Variants in CTSV observed in about 807,000 individuals in gnomAD.
CTSV encodes the protein cathepsin L2.
A neutral mutation model predicts 35.6 loss-of-function variants in CTSV; 33 were observed. The ratio of observed to expected loss-of-function variants is 0.93; its 90% CI spans 0.70 to 1.24. CTSV has a LOEUF of 1.24. CTSV is among the 50% of genes most tolerant of loss of function. The pLI, the probability that CTSV is intolerant of heterozygous loss-of-function variation, is 0.00. For synonymous variants in CTSV, 154 were observed against 147.1 expected, an observed-to-expected ratio of 1.05 and a Z score of -0.34; for missense variants, 408 against 413.1, an observed-to-expected ratio of 0.99 and a Z score of 0.11.
intron 7 of CTSV, 127 bp from the exon 8 acceptor site, chr9:97,033,175 T>C: frequency 1.6e-6 from 1 of 609,502 alleles, no homozygotes; most frequent in Non-Finnish European, 2.8e-6. Flanking sequence ...GCTGTTAATA[T>C]CCATTTATAA....
rs146994010 is a variant in CTSV, at chr9:97,035,557, C to A, written c.758G>T (p.Gly253Val). Residue 253 changes from glycine (G) to valine (V), a missense_variant, in exon 6 of 8, where the codon GGC becomes GTC. Transcript: ENST00000259470. Reference sequence around the variant, plus strand: ...TTTGTAGAACTGGAAGGACGAATGGCCTGCATCCATAGCAACGGAGATGGG... The same window carrying A: ...TTTGTAGAACTGGAAGGACGAATGGACTGCATCCATAGCAACGGAGATGGG... ...VGPISVAMDA[G>V]HSSFQFYKSG... The A allele has an allele frequency of 4.0e-4, 632 of 1,578,272 alleles. 1 individual carries two copies. The highest frequency in any genetic ancestry group is 8.4e-4 in the Middle Eastern group (5 of 5,964).
At position 97,032,080 on chromosome 9, in the gene CTSV, C is replaced by A. The variant is rs1220306991; in HGVS notation, c.*869G>T. 2.0e-5 allele frequency: 3 copies of A among 152,154 alleles called. No individual in the cohort carries two copies. In the East Asian group the frequency reaches 5.8e-4, roughly 29 times the overall value. The allele number at this position is 152,154 out of a possible 1,614,324, so 9.4% of individuals were successfully genotyped here. On this transcript the variant is annotated 3_prime_UTR_variant, in exon 8 of 8. Transcript: ENST00000259470. ...ATGTGTCAAAGGAAGAAGACATTTC[C>A]TTTTCTAAAAAGTCAACTGCTTTCT...
Position 97,037,971 on chromosome 9 carries a change from A to T in CTSV, c.73T>A (p.Leu25Met). 6.2e-7 allele frequency: 1 copy of T among 1,614,078 alleles called. No homozygotes were observed. The highest frequency in any genetic ancestry group is 8.5e-7 in the Non-Finnish European group (1 of 1,180,014). The change falls in exon 2 of 8, where the codon TTG (leucine) becomes ATG (methionine). Residue 25 changes from leucine to methionine, a missense_variant. Transcript: ENST00000259470. ...TTCCACTGGTACCACTTTGTATCCA[A>T]ATTTTGGTCAAATTTTGGAACAGCG... ...ASAVPKFDQN[L>M]DTKWYQWKAT...
At chr9:97,036,199 T>C (rs2119233430) in intron 5 of CTSV, among the ~76,000 whole-genome samples, 1 of 152,030 alleles carries the variant, frequency 6.6e-6, no homozygotes, top group East Asian at 1.9e-4. Context: ...GTCTCCTGAG[T>C]AGCTGGGACT....
intron 7 of CTSV, 153 bp downstream of exon 7, chr9:97,034,573 C>G: frequency 3.3e-6 from 2 of 611,702 alleles, no homozygotes; most frequent in South Asian, 4.4e-5. Context: ...CTCCAAAAAG[C>G]TTGGTACGGA....
At chr9:97,037,050 T>A (rs1828864823) in intron 4 of CTSV, among the ~76,000 whole-genome samples, 1 of 151,982 alleles carries the variant, frequency 6.6e-6, no homozygotes, top group South Asian at 2.1e-4. Context: ...GAGGTTGCAG[T>A]GAGACGAGAT....
intron 7 of CTSV, 94 bp downstream of exon 7, chr9:97,034,632 A>G (rs75765094): frequency 1.1e-6 from 1 of 943,196 alleles, no homozygotes; most frequent in East Asian, 2.4e-5. Flanking sequence ...AAGTAGAAGA[A>G]AGACTTTCGG....
rs1828854339 is a variant in CTSV at position 97,036,540 on chromosome 9, A to G, written c.604T>C (p.Tyr202His). Residue 202 changes from tyrosine to histidine, a missense_variant, in exon 5 of 8, where the codon TAT becomes CAT. Physicochemically the swap from Tyr to His is moderately conservative, Grantham distance 83 (BLOSUM62 2). Coordinates refer to ENST00000259470, the MANE Select transcript of CTSV (RefSeq NM_001333.4). ...CCATTTACCACTGCTACATATGGAT[A>G]GGATTCCTCAGAGTCCAGGCCTCCG... ...ENGGLDSEES[Y>H]PYVAVDEICK... The G allele has an allele frequency of 6.2e-7, 1 of 1,613,550 alleles. No individual in the cohort carries two copies. The highest frequency in any genetic ancestry group is 1.3e-5 in the African/African-American group (1 of 74,920).
At chr9:97,033,440 G>A (rs1445905611) in intron 7 of CTSV, among the ~76,000 whole-genome samples, 1 of 145,216 alleles carries the variant, frequency 6.9e-6, no homozygotes, top group Admixed American at 6.9e-5. Context: ...GTGAAACCCT[G>A]CCTCTACTAA....
chr9:97,035,836 C>A (rs1051432817), intron 5 of CTSV, 143 bp from the exon 6 acceptor site: 2 of 484,330 alleles, frequency 4.1e-6, no homozygotes, highest in African/African-American at 4.0e-5. Flanking sequence ...AAATAAAATG[C>A]TATTTGTTGA....
intron 4 of CTSV, 26 bp downstream of exon 4, chr9:97,037,226 A>G (rs1464255214): frequency 6.2e-7 from 1 of 1,604,792 alleles, no homozygotes; most frequent in Non-Finnish European, 8.5e-7. Context: ...CTGTGGAGAC[A>G]GGGTCTGAAT....
chr9:97,034,818 G>A lies in CTSV; in HGVS notation c.813C>T (p.Ser271=). The change falls in exon 7 of 8, where the codon AGC becomes AGT. Residue 271 remains serine, a synonymous_variant. Coordinates refer to ENST00000259470, the MANE Select transcript of CTSV (RefSeq NM_001333.4). The part of the protein sequence containing the change: ...KSGIYFEPDC[S]SKNLDHGVLV... ...GAACACCATGATCCAGGTTTTTGCT[G>A]CTGCAGTCTGGTTCAAAATAAATGC... 6.2e-7 allele frequency: 1 copy of A among 1,614,086 alleles called. No individual in the cohort carries two copies. The highest frequency in any genetic ancestry group is 8.5e-7 in the Non-Finnish European group (1 of 1,180,002).
In CTSV at chr9:97,030,443, G is replaced by C. The variant is rs1215042836; in HGVS notation, c.*2506C>G. On this transcript the variant is annotated 3_prime_UTR_variant, in exon 8 of 8. Coordinates refer to ENST00000259470, the MANE Select transcript of CTSV (RefSeq NM_001333.4). ...TTCGAGTATAGGAAATATTTGCCGA[G>C]ACCAGCTTGGTCATGGAGACCCTAA... The C allele has an allele frequency of 6.6e-6, 1 of 152,074 alleles. No homozygotes were observed. The highest frequency in any genetic ancestry group is 1.5e-5 in the Non-Finnish European group (1 of 68,028). 9.4% of individuals were successfully genotyped at this position (152,074 alleles called of 1,614,324 possible).
At chr9:97,037,768 G>T in intron 2 of CTSV, 150 bp downstream of exon 2, 1 of 1,368,844 alleles carries the variant, frequency 7.3e-7, no homozygotes, top group Non-Finnish European at 1.0e-6. Context: ...ACACAATGGA[G>T]ATATATGCCC....
At position 97,031,842 on chromosome 9, in the gene CTSV, A is replaced by G. The variant is rs1828749657; in HGVS notation, c.*1107T>C. On this transcript the variant is annotated 3_prime_UTR_variant, in exon 8 of 8. Coordinates refer to ENST00000259470, the MANE Select transcript of CTSV (RefSeq NM_001333.4). Reference sequence around the variant, plus strand: ...ATGCCTGAGATTTGTTAACCACACCATTTATTTTTGCTAACACTAGTTAAC... The same window carrying G: ...ATGCCTGAGATTTGTTAACCACACCGTTTATTTTTGCTAACACTAGTTAAC... The G allele has an allele frequency of 6.6e-6, 1 of 152,186 alleles. No individual in the cohort carries two copies. The highest frequency in any genetic ancestry group is 2.1e-4 in the South Asian group (1 of 4,830). 9.4% of individuals were successfully genotyped at this position (152,186 alleles called of 1,614,324 possible).
In CTSV at chr9:97,034,759, G is replaced by A. The variant is rs771264161; in HGVS notation, c.872C>T (p.Ser291Leu). The A allele has an allele frequency of 2.8e-5, 45 of 1,613,830 alleles. No homozygotes were observed. The highest frequency in any genetic ancestry group is 3.7e-5 in the Non-Finnish European group (44 of 1,179,966). Reference sequence around the variant, plus strand: ...GACGAGCCAATACTTGCTGTTATTCGAATTTGCTCCTTCAAAGCCGTAGCC... The same window carrying A: ...GACGAGCCAATACTTGCTGTTATTCAAATTTGCTCCTTCAAAGCCGTAGCC... ...VVGYGFEGAN[S>L]NNSKYWLVKN... The change falls in exon 7 of 8, where the codon TCG (serine) becomes TTG (leucine). Residue 291 changes from serine to leucine, a missense_variant. Transcript: ENST00000259470.
intron 3 of CTSV, 42 bp downstream of exon 3, chr9:97,037,451 C>A: frequency 6.2e-7 from 1 of 1,613,738 alleles, no homozygotes; most frequent in Non-Finnish European, 8.5e-7. Flanking sequence ...TGGTGAAGAA[C>A]TGAGAAGCAG....
intron 4 of CTSV, 21 bp from the exon 5 acceptor site, chr9:97,036,768 A>AT (rs1460564865): frequency 6.4e-7 from 1 of 1,563,130 alleles, no homozygotes; most frequent in Non-Finnish European, 8.6e-7. Flanking sequence ...AGAAAAAAAA[A>AT]GCTGTAAATT....
rs1828711095 is a variant in CTSV at position 97,029,847 on chromosome 9, T to C, written c.*3102A>G. 1 of 152,244 alleles carries C rather than the reference T, an allele frequency of 6.6e-6. No homozygotes were observed. The highest frequency in any genetic ancestry group is 2.4e-5 in the African/African-American group (1 of 41,460). 9.4% of individuals were successfully genotyped at this position (152,244 alleles called of 1,614,324 possible). ...CCCATAAAATTATGATCCTATATTT[T>C]TACTGTACTTTTCTGTTCAGATACA... On this transcript the variant is annotated 3_prime_UTR_variant, in exon 8 of 8. Coordinates refer to ENST00000259470, the MANE Select transcript of CTSV (RefSeq NM_001333.4).
Sources: allele counts gnomAD v4.1 joint callset (sites outside exome capture counted in the v4.1 genomes callset), GRCh38; gene constraint gnomAD v4.1.1; transcripts MANE v1.5; gene names NCBI Gene and HGNC (gene_info 2026-07-23, HGNC 2026-07-21).